TUFT1: variants seen among roughly 807,000 people sequenced by gnomAD.
The protein encoded by TUFT1 is tuftelin 1.
A neutral mutation model predicts 57.8 loss-of-function variants in TUFT1; 43 were observed. The observed-to-expected ratio is 0.74, with a 90% CI of 0.58 to 0.96. The LOEUF (loss-of-function observed/expected upper bound fraction) is 0.96, where lower values mean the gene tolerates loss of function less well. Among genes scored for constraint, TUFT1 ranks in the 40% least tolerant of loss-of-function variants. The pLI, the probability that TUFT1 is intolerant of heterozygous loss-of-function variation, is 0.00. For missense variants in TUFT1, 459 were observed against 489.0 expected, an observed-to-expected ratio of 0.94 and a Z score of 0.58; for synonymous variants, 166 against 176.7, an observed-to-expected ratio of 0.94 and a Z score of 0.48.
intron 1 of TUFT1, chr1:151,561,597 G>T: frequency 8.5e-7 from 1 of 1,181,978 alleles, no homozygotes; most frequent in Non-Finnish European, 1.1e-6. Flanking sequence ...TTTTCACTTG[G>T]ATAATTTCCA....
chr1:151,557,373 TAATCATCA>T (rs71090190), intron 1 of TUFT1: 248,839 of 686,812 alleles, frequency 0.36, 47,139 homozygotes, highest in Middle Eastern at 0.42. Context: ...CTTTTTGCTT[TAATCATCA>T]AATGTAACTT....
At chr1:151,544,944 C>A (rs1273285403) in intron 1 of TUFT1, among the ~76,000 whole-genome samples, 1 of 152,182 alleles carries the variant, frequency 6.6e-6, no homozygotes, top group Non-Finnish European at 1.5e-5. Flanking sequence ...TCCTTCCCAT[C>A]CTCCCAGTGT....
intron 6 of TUFT1, among the ~76,000 whole-genome samples, chr1:151,566,727 T>C (rs1222206064): frequency 6.6e-6 from 1 of 152,218 alleles, no homozygotes; most frequent in Non-Finnish European, 1.5e-5. Flanking sequence ...GATAAATATA[T>C]GTATATAATA....
At chr1:151,573,675 C>A (rs1029880235) in intron 7 of TUFT1, among the ~76,000 whole-genome samples, 3 of 152,218 alleles carry the variant, frequency 2.0e-5, no homozygotes, top group African/African-American at 7.2e-5. Flanking sequence ...ACCCAGGAGG[C>A]AAAGGTTGCA....
rs1452117510 is a variant in TUFT1 at position 151,540,357 on chromosome 1, C to T, written c.-10C>T. The T allele has an allele frequency of 1.2e-6, 2 of 1,614,018 alleles. No individual in the cohort carries two copies. The highest frequency in any genetic ancestry group is 1.7e-6 in the Non-Finnish European group (2 of 1,179,990). On this transcript the variant is annotated 5_prime_UTR_variant, in exon 1 of 13. Coordinates refer to ENST00000368849, the MANE Select transcript of TUFT1 (RefSeq NM_020127.3). The stretch of plus-strand genomic sequence containing the variant: ...GACAAGTGGCGTGTGTGCTGCGACC[C>T]CGAGGGAAGATGAACGGGACGCGGA...
At chr1:151,570,616 A>G (rs1250301675) in intron 7 of TUFT1, among the ~76,000 whole-genome samples, 1 of 152,106 alleles carries the variant, frequency 6.6e-6, no homozygotes, top group Admixed American at 6.5e-5. Context: ...TAATACAGAA[A>G]TCTATAAATG....
chr1:151,559,949 A>T (rs976459365), intron 1 of TUFT1, among the ~76,000 whole-genome samples: 1 of 151,542 alleles, frequency 6.6e-6, no homozygotes, highest in African/African-American at 2.4e-5. Flanking sequence ...GCCCACCACC[A>T]CGCCTGGCTA....
At chr1:151,573,610 G>A (rs187811670) in intron 7 of TUFT1, among the ~76,000 whole-genome samples, 2 of 152,256 alleles carry the variant, frequency 1.3e-5, no homozygotes, top group East Asian at 3.9e-4. Context: ...TGGGCGTGGT[G>A]GCACATGCCT....
rs537109985 is a variant in TUFT1 at position 151,576,914 on chromosome 1, C to T, written c.819-1807C>T. ...TGCTGGGATTACAGGCATGAGCCAC[C>T]GCGCCTGGACTACTTATTTTTTTAA... On this transcript the variant is annotated intron_variant, in intron 9 of 12. Transcript: ENST00000368849. Among the ~76,000 whole-genome samples, 7 of 152,170 alleles carry T rather than the reference C, an allele frequency of 4.6e-5. No homozygotes were observed. The South Asian group carries it at 6.2e-4, about 14-fold the overall frequency.
rs1219678890 is a variant in TUFT1, at chr1:151,567,346, G to T, written c.480+1118G>T. On this transcript the variant is annotated intron_variant, in intron 6 of 12. Transcript: ENST00000368849. ...CTCCTGCCTCAGCCTGGGAGGGACT[G>T]TGGCAGCCACTATAGTGGCTGGGAC... Among the ~76,000 whole-genome samples the T allele has an allele frequency of 2.0e-5, 3 of 152,168 alleles. No individual in the cohort carries two copies. The East Asian group carries it at 5.8e-4, about 29-fold the overall frequency.
chr1:151,580,129 A>G (rs1558017446), intron 11 of TUFT1, among the ~76,000 whole-genome samples: 1 of 152,180 alleles, frequency 6.6e-6, no homozygotes, highest in Non-Finnish European at 1.5e-5. Flanking sequence ...TTGCCTTCCT[A>G]GTCTAATTTC....
intron 5 of TUFT1, chr1:151,565,844 G>A: frequency 4.8e-6 from 1 of 207,676 alleles, no homozygotes; most frequent in Non-Finnish European, 9.8e-6. Context: ...TTAGCCTGAG[G>A]TTTTTTTCAT....
chr1:151,560,589 G>A (rs1243569613), intron 1 of TUFT1, among the ~76,000 whole-genome samples: 1 of 152,202 alleles, frequency 6.6e-6, no homozygotes, highest in African/African-American at 2.4e-5. Context: ...CCAGTAAGAT[G>A]TCATTTATGC....
chr1:151,559,896 C>A (rs868138), intron 1 of TUFT1, among the ~76,000 whole-genome samples: 1 of 151,510 alleles, frequency 6.6e-6, no homozygotes. Context: ...CTGGTTCAAG[C>A]GATTCTCCTG....
chr1:151,575,333 A>G (rs1451552315), intron 9 of TUFT1, among the ~76,000 whole-genome samples: 3 of 152,204 alleles, frequency 2.0e-5, no homozygotes. Context: ...TGCAGTGGAT[A>G]TGTTATGCCT....
At chr1:151,571,275 AT>A (rs1666242219) in intron 7 of TUFT1, among the ~76,000 whole-genome samples, 1 of 152,220 alleles carries the variant, frequency 6.6e-6, no homozygotes, top group Non-Finnish European at 1.5e-5. Flanking sequence ...CCGAAGTATT[AT>A]TTGAACAAGT....
At chr1:151,581,521 G>GATCA (rs1445341444) in intron 12 of TUFT1, 123 bp from the exon 13 acceptor site, 22 of 899,732 alleles carry the variant, frequency 2.4e-5, no homozygotes, top group Non-Finnish European at 3.5e-5. Context: ...GAACCCAAGT[G>GATCA]ATCAGCCAGC....
rs567205706 is a variant in TUFT1 at position 151,567,391 on chromosome 1, A to T, written c.480+1163A>T. ...TGGGACTATAGACACGTGCCACCAC[A>T]CCTGGCTAATTTTTGTATTTTTTGT... On this transcript the variant is annotated intron_variant, in intron 6 of 12. Coordinates refer to ENST00000368849, the MANE Select transcript of TUFT1 (RefSeq NM_020127.3). Among the ~76,000 whole-genome samples, 93 of 151,702 alleles carry T rather than the reference A, an allele frequency of 6.1e-4. 1 individual carries two copies. The highest frequency in any genetic ancestry group is 1.0e-3 in the Non-Finnish European group (70 of 67,880).
chr1:151,560,140 G>A (rs936182242), intron 1 of TUFT1, among the ~76,000 whole-genome samples: 2 of 150,594 alleles, frequency 1.3e-5, no homozygotes, highest in Non-Finnish European at 3.0e-5. Flanking sequence ...GTTGGGGGCC[G>A]GGTGCGGTGG....
Sources: allele counts gnomAD v4.1 joint callset (sites outside exome capture counted in the v4.1 genomes callset), GRCh38; gene constraint gnomAD v4.1.1; transcripts MANE v1.5; gene names NCBI Gene and HGNC (gene_info 2026-07-23, HGNC 2026-07-21).